The following FBXL7 variants were observed in gnomAD, a reference collection of about 807,000 sequenced individuals.
FBXL7 encodes F-box/LRR-repeat protein 7.
FBXL7 carries 12 observed loss-of-function variants against 38.3 expected under a neutral mutation model. The observed-to-expected ratio is 0.31, with a 90% confidence interval of 0.20 to 0.51. The LOEUF is 0.51. Ranked by LOEUF, FBXL7 falls within the 20% of genes least tolerant of loss-of-function variation. The pLI is 0.98. For missense variants in FBXL7, 567 were observed against 676.4 expected, an observed-to-expected ratio of 0.84 and a Z score of 1.79; for synonymous variants, 297 against 300.9, an observed-to-expected ratio of 0.99 and a Z score of 0.13.
chr5:15,785,778 G>C (rs749403357), intron 2 of FBXL7, among the ~76,000 whole-genome samples: 5 of 152,202 alleles, frequency 3.3e-5, no homozygotes, highest in Non-Finnish European at 4.4e-5. Context: ...AAGCAGTTAG[G>C]ACATTTTCCA....
At chr5:15,622,157 C>A (rs866416459) in intron 2 of FBXL7, among the ~76,000 whole-genome samples, 3 of 152,152 alleles carry the variant, frequency 2.0e-5, no homozygotes, top group Middle Eastern at 3.4e-3. Context: ...ACATATAGCA[C>A]AATTGTTTCA....
intron 1 of FBXL7, among the ~76,000 whole-genome samples, chr5:15,519,393 A>G (rs1459650939): frequency 1.3e-5 from 2 of 152,136 alleles, no homozygotes; most frequent in East Asian, 1.9e-4. Context: ...GATGTGGTCC[A>G]GTAAACTAGT....
At chr5:15,585,688 A>G (rs1417806651) in intron 1 of FBXL7, among the ~76,000 whole-genome samples, 1 of 152,218 alleles carries the variant, frequency 6.6e-6, no homozygotes, top group Non-Finnish European at 1.5e-5. Context: ...CATTAACTCT[A>G]ACTCCATCAA....
At chr5:15,751,425 GA>G (rs1736151956) in intron 2 of FBXL7, among the ~76,000 whole-genome samples, 2 of 152,176 alleles carry the variant, frequency 1.3e-5, no homozygotes, top group South Asian at 4.1e-4. Context: ...GACCAGGCCA[GA>G]TTTCAGGCTG....
chr5:15,678,976 T>C (rs1742750737), intron 2 of FBXL7, among the ~76,000 whole-genome samples: 1 of 152,242 alleles, frequency 6.6e-6, no homozygotes, highest in Non-Finnish European at 1.5e-5. Flanking sequence ...TACAAAGGGC[T>C]TTGATTTCTA....
intron 1 of FBXL7, among the ~76,000 whole-genome samples, chr5:15,519,444 C>CA (rs75322019): frequency 0.014 from 1,769 of 130,822 alleles, 15 homozygotes; most frequent in South Asian, 0.041. Context: ...ACTTAGAAAA[C>CA]AAAAAAAAAA....
intron 2 of FBXL7, among the ~76,000 whole-genome samples, chr5:15,652,618 G>T (rs1408259331): frequency 6.6e-6 from 1 of 152,124 alleles, no homozygotes; most frequent in African/African-American, 2.4e-5. Flanking sequence ...CTAGCTTTTG[G>T]CCTGTCTCAG....
At chr5:15,557,761 C>G (rs538163982) in intron 1 of FBXL7, among the ~76,000 whole-genome samples, 10 of 152,262 alleles carry the variant, frequency 6.6e-5, no homozygotes, top group Admixed American at 2.6e-4. Context: ...CCAGGGACCC[C>G]TGAGGGGTGA....
intron 2 of FBXL7, among the ~76,000 whole-genome samples, chr5:15,812,065 T>C (rs1224170733): frequency 2.0e-5 from 3 of 152,084 alleles, no homozygotes; most frequent in Non-Finnish European, 2.9e-5. Context: ...CTATTTACAA[T>C]AGCAAAGACT....
intron 2 of FBXL7, among the ~76,000 whole-genome samples, chr5:15,722,972 C>G (rs151327371): frequency 6.7e-6 from 1 of 149,488 alleles, no homozygotes; most frequent in Non-Finnish European, 1.5e-5. Context: ...GGAAAAAAAT[C>G]ACAGTTAGTT....
chr5:15,651,164 T>C (rs1012212913), intron 2 of FBXL7, among the ~76,000 whole-genome samples: 44 of 150,406 alleles, frequency 2.9e-4, no homozygotes, highest in Non-Finnish European at 3.0e-4. Flanking sequence ...TGGTGCAATC[T>C]CGGCTCACTG....
chr5:15,568,766 A>G (rs371178390), intron 1 of FBXL7, among the ~76,000 whole-genome samples: 6 of 152,234 alleles, frequency 3.9e-5, no homozygotes, highest in East Asian at 3.9e-4. Context: ...TAATTTTTGT[A>G]TAAGGTGTAA....
intron 2 of FBXL7, among the ~76,000 whole-genome samples, chr5:15,696,962 A>T (rs1743357982): frequency 6.6e-6 from 1 of 152,114 alleles, no homozygotes; most frequent in Non-Finnish European, 1.5e-5. Context: ...CGTCTTCATC[A>T]TGTAAAGGTT....
chr5:15,612,734 G>A (rs1432558536), intron 1 of FBXL7, among the ~76,000 whole-genome samples: 4 of 152,134 alleles, frequency 2.6e-5, no homozygotes, highest in African/African-American at 9.7e-5. Flanking sequence ...CTCAGTGAAG[G>A]CCACCTGATG....
intron 2 of FBXL7, among the ~76,000 whole-genome samples, chr5:15,624,457 A>G (rs575286176): frequency 6.6e-6 from 1 of 152,324 alleles, no homozygotes; most frequent in African/African-American, 2.4e-5. Context: ...TTGCCATGAA[A>G]TAGCTTTTGC....
At chr5:15,757,996 G>C (rs1452801181) in intron 2 of FBXL7, among the ~76,000 whole-genome samples, 2 of 151,942 alleles carry the variant, frequency 1.3e-5, no homozygotes, top group South Asian at 4.2e-4. Flanking sequence ...GTCTTGGCAC[G>C]CGTTCACGGT....
At chr5:15,565,514 T>C (rs1738541792) in intron 1 of FBXL7, among the ~76,000 whole-genome samples, 1 of 150,184 alleles carries the variant, frequency 6.7e-6, no homozygotes, top group Non-Finnish European at 1.5e-5. Flanking sequence ...TATAATCCTC[T>C]ATATATTTAT....
At chr5:15,759,072 A>G (rs915575748) in intron 2 of FBXL7, among the ~76,000 whole-genome samples, 2 of 152,238 alleles carry the variant, frequency 1.3e-5, no homozygotes, top group African/African-American at 4.8e-5. Context: ...GTGGCCACAC[A>G]TAAGCCTGAG....
chr5:15,871,561 G>T (rs1739965558), intron 2 of FBXL7, among the ~76,000 whole-genome samples: 1 of 152,156 alleles, frequency 6.6e-6, no homozygotes, highest in African/African-American at 2.4e-5. Context: ...TTGATAAAAG[G>T]TGAGAGGAAT....
Sources: gnomAD v4.1 joint callset for allele counts (sites outside exome capture counted in the v4.1 genomes callset) on GRCh38, gnomAD v4.1.1 for gene constraint, MANE v1.5 for transcripts, NCBI Gene and HGNC (gene_info 2026-07-23, HGNC 2026-07-21) for gene names.